Variants in COL4A2 observed in about 807,000 individuals in gnomAD.
The protein encoded by COL4A2 is collagen alpha-2(IV) chain.
COL4A2 carries 99 observed loss-of-function variants against 200.2 expected under a neutral mutation model. That is an observed-to-expected ratio of 0.49 (90% CI 0.42 to 0.58). COL4A2 has a LOEUF of 0.58. Among genes scored for constraint, COL4A2 ranks in the 20% least tolerant of loss-of-function variants. COL4A2 has a pLI of 0.00. For synonymous variants in COL4A2, 897 were observed against 900.6 expected (o/e 1.00, Z 0.07); for missense variants, 1,950 against 2,314.1 (o/e 0.84, Z 3.23).
At chr13:110,385,827 G>A (rs111641607) in intron 4 of COL4A2, among the ~76,000 whole-genome samples, 6 of 20,832 alleles carry the variant, frequency 2.9e-4, no homozygotes, top group Non-Finnish European at 3.7e-4. Flanking sequence ...GTGTGGATAG[G>A]CCGTGGTTAC....
At chr13:110,436,135 T>C in intron 12 of COL4A2, 134 bp from the exon 13 acceptor site, 1 of 1,293,004 alleles carries the variant, frequency 7.7e-7, no homozygotes, top group Admixed American at 1.7e-5. Context: ...GTTATTATAC[T>C]GTAAATAGGT....
At chr13:110,453,393 C>T (rs1228928090) in intron 20 of COL4A2, among the ~76,000 whole-genome samples, 2 of 152,022 alleles carry the variant, frequency 1.3e-5, no homozygotes, top group South Asian at 2.1e-4. Flanking sequence ...CCCAGTTACT[C>T]GGGAGGCTGA....
intron 4 of COL4A2, among the ~76,000 whole-genome samples, chr13:110,388,283 G>C (rs193054088): frequency 6.6e-6 from 1 of 152,328 alleles, no homozygotes; most frequent in East Asian, 1.9e-4. Context: ...GGCAGCTGCC[G>C]GCACCTTGGG....
rs58151684 is a variant in COL4A2 at position 110,425,053 on chromosome 13, AT to A, written c.360+60del. The A allele has an allele frequency of 0.89, 1,430,093 of 1,601,938 alleles. 640,135 individuals carry two copies. The highest frequency in any genetic ancestry group is 0.95 in the East Asian group (42,689 of 44,798). On this transcript the variant is annotated intron_variant, in intron 6 of 47. Transcript: ENST00000360467. ...ACATTGCGTGCATCCTAGGCAATAC[AT>A]TTTGTGACTTAAAGAAACATTTTGA...
chr13:110,353,034 A>C (rs975158340), intron 3 of COL4A2, among the ~76,000 whole-genome samples: 3 of 152,162 alleles, frequency 2.0e-5, no homozygotes, highest in African/African-American at 4.8e-5. Flanking sequence ...GGGCATTGGA[A>C]TTGCCCTACA....
chr13:110,387,416 G>A lies in COL4A2; in HGVS notation c.180+29864G>A, dbSNP rs898674747. The stretch of plus-strand genomic sequence containing the variant: ...CCCCACGGAGAGAATTGTGATGCCC[G>A]GACATCACGGGCGCTTCCATGTGGG... On this transcript the variant is annotated intron_variant, in intron 4 of 47. Coordinates refer to ENST00000360467, the MANE Select transcript of COL4A2 (RefSeq NM_001846.4). Among the ~76,000 whole-genome samples, 12 of 152,336 alleles carry A rather than the reference G, an allele frequency of 7.9e-5. No homozygotes were observed. The Middle Eastern group carries it at 0.014, about 173-fold the overall frequency.
At chr13:110,343,319 A>G (rs1461510465) in intron 3 of COL4A2, among the ~76,000 whole-genome samples, 4 of 152,170 alleles carry the variant, frequency 2.6e-5, no homozygotes, top group African/African-American at 9.7e-5. Flanking sequence ...TGCTGGCCCC[A>G]GGAGTAGGCG....
chr13:110,436,758 G>A (rs1378354541), intron 13 of COL4A2, among the ~76,000 whole-genome samples: 1 of 152,228 alleles, frequency 6.6e-6, no homozygotes, highest in Non-Finnish European at 1.5e-5. Context: ...TTGCTGACAT[G>A]AAGCACCTTT....
chr13:110,454,840 A>C (rs772711815), intron 20 of COL4A2, among the ~76,000 whole-genome samples: 1 of 152,128 alleles, frequency 6.6e-6, no homozygotes, highest in Admixed American at 6.5e-5. Flanking sequence ...ACACAGAGTC[A>C]ACCCTATGCA....
intron 4 of COL4A2, among the ~76,000 whole-genome samples, chr13:110,368,135 G>A (rs1445297188): frequency 6.6e-6 from 1 of 152,140 alleles, no homozygotes; most frequent in East Asian, 1.9e-4. Flanking sequence ...TCCCAGCCCC[G>A]TATTCAGGAA....
At chr13:110,358,292 T>C (rs530091467) in intron 4 of COL4A2, among the ~76,000 whole-genome samples, 1 of 152,282 alleles carries the variant, frequency 6.6e-6, no homozygotes, top group East Asian at 1.9e-4. Context: ...GGATAATCAA[T>C]ATCACTGTCT....
chr13:110,478,159 G>A lies in COL4A2; in HGVS notation c.2582G>A (p.Arg861His), dbSNP rs370815108. The A allele has an allele frequency of 2.3e-5, 36 of 1,589,476 alleles. No homozygotes were observed. The highest frequency in any genetic ancestry group is 2.5e-5 in the Non-Finnish European group (29 of 1,167,594). ...GPLGLPGIPG[R>H]EGLPGDRGDP... ...TTGGGGCTGCCAGGAATCCCAGGCC[G>A]TGAAGGTAAGACCCCAGCCCTCCCA... is the stretch of plus-strand genomic sequence containing the variant. The change falls in exon 30 of 48, where the codon CGT becomes CAT. Residue 861 changes from arginine (R) to histidine (H), a missense_variant. Physicochemically the swap from Arg to His is conservative, Grantham distance 29 (BLOSUM62 0). This residue lies in a region of COL4A2 where 1,385 missense variants were observed against 1,720.5 expected (regional missense o/e 0.80). Transcript: ENST00000360467.
intron 18 of COL4A2, among the ~76,000 whole-genome samples, chr13:110,447,573 AT>A (rs1881375380): frequency 6.6e-6 from 1 of 152,108 alleles, no homozygotes; most frequent in Non-Finnish European, 1.5e-5. Flanking sequence ...TAAAAAAAAA[AT>A]GTTTCGAGAA....
rs757047420 is a variant in COL4A2, at chr13:110,503,427, G to A, written c.4084G>A (p.Gly1362Arg). The A allele has an allele frequency of 4.4e-6, 7 of 1,590,898 alleles. No homozygotes were observed. The highest frequency in any genetic ancestry group is 6.0e-6 in the Non-Finnish European group (7 of 1,168,314). Reference sequence around the variant, plus strand: ...CTTCATGGGGAACACTGGACCCACTGGGGCGGTGGGCGACAGAGGCCCCAA... The same window carrying A: ...CTTCATGGGGAACACTGGACCCACTAGGGCGGTGGGCGACAGAGGCCCCAA... ...QGFMGNTGPT[G>R]AVGDRGPKGP... The change falls in exon 43 of 48, where the codon GGG (glycine) becomes AGG (arginine). Residue 1362 changes from glycine to arginine, a missense_variant. Physicochemically the swap from Gly to Arg is moderately radical, Grantham distance 125. Transcript: ENST00000360467.
intron 4 of COL4A2, among the ~76,000 whole-genome samples, chr13:110,390,721 C>T (rs1484878331): frequency 6.6e-6 from 1 of 152,172 alleles, no homozygotes; most frequent in Non-Finnish European, 1.5e-5. Flanking sequence ...ATGTTTTCCC[C>T]AGAGGAATCC....
intron 4 of COL4A2, among the ~76,000 whole-genome samples, chr13:110,381,073 A>G (rs1267581267): frequency 1.6e-5 from 2 of 126,574 alleles, no homozygotes; most frequent in African/African-American, 6.2e-5. Context: ...CACGGGCTCT[A>G]TCTCACACCC....
intron 28 of COL4A2, among the ~76,000 whole-genome samples, chr13:110,470,117 T>G (rs975791701): frequency 1.3e-5 from 2 of 152,064 alleles, no homozygotes; most frequent in African/African-American, 4.8e-5. Flanking sequence ...GATTTCACCA[T>G]GTTGGCCAGG....
chr13:110,333,184 C>T (rs1468341756), intron 3 of COL4A2, among the ~76,000 whole-genome samples: 1 of 152,210 alleles, frequency 6.6e-6, no homozygotes, highest in Non-Finnish European at 1.5e-5. Flanking sequence ...AGGCCACTGG[C>T]CCGGTTACTC....
rs528510421 is a variant in COL4A2, at chr13:110,448,869, G to A, written c.1079-810G>A. ...CTTTTACTGAGGGAGAGATGGAAGCGCAGGGCGTTGAGTTCCTTGCCCAGG... is the reference window on the plus strand; with the variant it reads ...CTTTTACTGAGGGAGAGATGGAAGCACAGGGCGTTGAGTTCCTTGCCCAGG... On this transcript the variant is annotated intron_variant, in intron 18 of 47. Coordinates refer to ENST00000360467, the MANE Select transcript of COL4A2 (RefSeq NM_001846.4). Among the ~76,000 whole-genome samples the A allele has an allele frequency of 7.9e-5, 12 of 152,320 alleles. No homozygotes were observed. In the East Asian group the frequency reaches 1.7e-3, roughly 22 times the overall value.
Sources: allele counts gnomAD v4.1 joint callset (sites outside exome capture counted in the v4.1 genomes callset), GRCh38; gene constraint gnomAD v4.1.1; regional missense constraint gnomAD v4.1.1; transcripts MANE v1.5; gene names NCBI Gene and HGNC (gene_info 2026-07-23, HGNC 2026-07-21).